The following RAB3IL1 variants were observed in gnomAD, a reference collection of about 807,000 sequenced individuals.
The protein encoded by RAB3IL1 is RAB3A interacting protein like 1, also known as guanine nucleotide exchange factor for Rab-3A.
A neutral mutation model predicts 49.2 loss-of-function variants in RAB3IL1; 37 were observed. That is an observed-to-expected ratio of 0.75 (90% CI 0.58 to 0.99). The LOEUF (loss-of-function observed/expected upper bound fraction) is 0.99, where lower values mean the gene tolerates loss of function less well. Ranked by LOEUF, RAB3IL1 falls within the 50% of genes least tolerant of loss-of-function variation. The pLI is 0.00. For missense variants in RAB3IL1, 484 were observed against 513.0 expected, an observed-to-expected ratio of 0.94 and a Z score of 0.55; for synonymous variants, 193 against 213.9, an observed-to-expected ratio of 0.90 and a Z score of 0.85.
the RAB3IL1 span, among the ~76,000 whole-genome samples, chr11:61,934,614 G>A: frequency 6.6e-6 from 1 of 151,220 alleles, no homozygotes; most frequent in Admixed American, 6.6e-5. Context: ...GCACATGCGT[G>A]CCTAGGGCTG....
chr11:61,912,793 G>A (rs1454659259), intron 1 of RAB3IL1, among the ~76,000 whole-genome samples: 5 of 152,074 alleles, frequency 3.3e-5, no homozygotes, highest in African/African-American at 1.2e-4. Context: ...CCCAAGTACT[G>A]GAGGTGCCAC....
the RAB3IL1 span, among the ~76,000 whole-genome samples, chr11:61,942,329 G>T: frequency 6.6e-6 from 1 of 152,148 alleles, no homozygotes; most frequent in African/African-American, 2.4e-5. Context: ...GTGGAAGGCC[G>T]CAGGGTCCTC....
At chr11:61,932,765 G>C in the RAB3IL1 span, among the ~76,000 whole-genome samples, 1 of 146,128 alleles carries the variant, frequency 6.8e-6, no homozygotes, top group Non-Finnish European at 1.5e-5. Flanking sequence ...TGTAACTATA[G>C]TTCATTTTTT....
chr11:61,923,159 G>A (rs1267048671), upstream of RAB3IL1, among the ~76,000 whole-genome samples: 6 of 152,224 alleles, frequency 3.9e-5, no homozygotes, highest in Non-Finnish European at 7.3e-5. Context: ...GACACAGCTT[G>A]GACTGGATGG....
chr11:61,944,234 C>CCTTT, the RAB3IL1 span, among the ~76,000 whole-genome samples: 4 of 128,138 alleles, frequency 3.1e-5, no homozygotes, highest in Non-Finnish European at 6.9e-5. Flanking sequence ...TTCCTTCCTT[C>CCTTT]CTTCCTTCCT....
At chr11:61,905,275 ACACAGGCTGCCCTGGGCC>A (rs1939128049) in intron 5 of RAB3IL1, among the ~76,000 whole-genome samples, 1 of 152,164 alleles carries the variant, frequency 6.6e-6, no homozygotes, top group Non-Finnish European at 1.5e-5. Flanking sequence ...GAGGGGACAC[ACACAGGCTGCCCTGGGCC>A]CACACCTCAG....
chr11:61,902,215 G>T (rs1349578333), intron 8 of RAB3IL1, among the ~76,000 whole-genome samples: 1 of 152,280 alleles, frequency 6.6e-6, no homozygotes, highest in Non-Finnish European at 1.5e-5. Context: ...TTGGGAAGCT[G>T]AGGCAGGAGA....
At chr11:61,934,394 A>T in the RAB3IL1 span, among the ~76,000 whole-genome samples, 1 of 146,022 alleles carries the variant, frequency 6.8e-6, no homozygotes, top group Admixed American at 6.9e-5. Context: ...GTGCATATAT[A>T]CATATATTTG....
intron 1 of RAB3IL1, among the ~76,000 whole-genome samples, chr11:61,914,416 C>T (rs1218781410): frequency 6.6e-6 from 1 of 152,230 alleles, no homozygotes; most frequent in Non-Finnish European, 1.5e-5. Flanking sequence ...AACTTGAACG[C>T]TGGCTTCTGC....
At chr11:61,934,450 G>GTATATA in the RAB3IL1 span, among the ~76,000 whole-genome samples, 109 of 31,424 alleles carry the variant, frequency 3.5e-3, no homozygotes, top group East Asian at 0.024. Flanking sequence ...GTGTGTGTAT[G>GTATATA]TATATATATA....
At chr11:61,899,071 TG>T (rs1446210062) in intron 9 of RAB3IL1, 1 of 575,798 alleles carries the variant, frequency 1.7e-6, no homozygotes, top group African/African-American at 1.9e-5. Context: ...TTCACAGGGG[TG>T]GCCCCCTTGT....
the RAB3IL1 span, among the ~76,000 whole-genome samples, chr11:61,928,636 C>T: frequency 6.6e-6 from 1 of 151,776 alleles, no homozygotes; most frequent in Middle Eastern, 3.2e-3. Context: ...GAGCTAGGAC[C>T]CTCCAACTAC....
At chr11:61,899,742 AGG>A in intron 8 of RAB3IL1, 1 of 233,324 alleles carries the variant, frequency 4.3e-6, no homozygotes, top group Non-Finnish European at 8.7e-6. Context: ...TGAACCGGGC[AGG>A]CTGTCCCGGA....
the RAB3IL1 span, among the ~76,000 whole-genome samples, chr11:61,946,052 G>A: frequency 6.6e-6 from 1 of 152,166 alleles, no homozygotes; most frequent in Non-Finnish European, 1.5e-5. Context: ...TGGAGGTGCT[G>A]TTGTCTGTCT....
chr11:61,904,746 T>C lies in RAB3IL1; in HGVS notation c.786+8A>G. 1.3e-6 allele frequency: 2 copies of C among 1,598,576 alleles called. No individual in the cohort carries two copies. Among genetic ancestry groups the C allele is most frequent in the Non-Finnish European group, 1.7e-6 (2 of 1,173,142 alleles). ...CCCCCAGCTGGCCCCGCCCCTGCCA[T>C]GCCTCACCTCCTGCATTGTGAAGTC... On this transcript the variant is annotated splice_region_variant and intron_variant, in intron 6 of 9. Transcript: ENST00000394836.
the RAB3IL1 span, among the ~76,000 whole-genome samples, chr11:61,946,252 C>T: frequency 2.4e-4 from 37 of 152,322 alleles, no homozygotes; most frequent in African/African-American, 8.7e-4. Flanking sequence ...CCCGGGGCCC[C>T]CTGCCTACTG....
Position 61,917,528 on chromosome 11 carries a change from G to A in RAB3IL1, c.-161C>T, listed in dbSNP as rs973961371. On this transcript the variant is annotated 5_prime_UTR_variant, in exon 1 of 10. Transcript: ENST00000394836. Reference sequence around the variant, plus strand: ...TAGGTCTCAGACGCCTGGGCTCGCGGCCCCCAGCCCAGCCCCGACCCTGCC... The same window carrying A: ...TAGGTCTCAGACGCCTGGGCTCGCGACCCCCAGCCCAGCCCCGACCCTGCC... 2.7e-6 allele frequency: 3 copies of A among 1,115,782 alleles called. No individual in the cohort carries two copies. The highest frequency in any genetic ancestry group is 5.0e-5 in the Admixed American group (1 of 19,954). The allele number at this position is 1,115,782 out of a possible 1,614,324, so 69.1% of individuals were successfully genotyped here.
At position 61,899,374 on chromosome 11, in the gene RAB3IL1, C is replaced by A. The variant is rs749370411; in HGVS notation, c.1006G>T (p.Ala336Ser). 2 of 1,608,952 alleles carry A rather than the reference C, an allele frequency of 1.2e-6. No homozygotes were observed. The highest frequency in any genetic ancestry group is 1.1e-5 in the South Asian group (1 of 90,896). Residue 336 changes from alanine (A) to serine (S), a missense_variant, in exon 9 of 10, where the codon GCA becomes TCA. Transcript: ENST00000394836. ...ATGTAGGTGAAGAAGTTGCACACTGCGGTGATCTGTGGGCAGAGGTGGGGA... is the reference window on the plus strand; with the variant it reads ...ATGTAGGTGAAGAAGTTGCACACTGAGGTGATCTGTGGGCAGAGGTGGGGA... Reference protein sequence around the residue: ...ISPSSRARITAVCNFFTYIRY... With the variant: ...ISPSSRARITSVCNFFTYIRY...
chr11:61,916,143 C>T (rs527458227), intron 1 of RAB3IL1, among the ~76,000 whole-genome samples: 93 of 151,974 alleles, frequency 6.1e-4, no homozygotes, highest in African/African-American at 2.1e-3. Context: ...GTCAGGAGTT[C>T]GAGACCAGCC....
Sources: allele counts gnomAD v4.1 joint callset (sites outside exome capture counted in the v4.1 genomes callset), GRCh38; gene constraint gnomAD v4.1.1; transcripts MANE v1.5; gene names NCBI Gene and HGNC (gene_info 2026-07-23, HGNC 2026-07-21).